NPAS3: variants seen among roughly 807,000 people sequenced by gnomAD.
The protein encoded by NPAS3 is neuronal PAS domain-containing protein 3.
NPAS3 carries 14 observed loss-of-function variants against 73.1 expected under a neutral mutation model. The observed-to-expected ratio is 0.19, with a 90% CI of 0.13 to 0.30. NPAS3 has a LOEUF of 0.30. Ranked by LOEUF, NPAS3 falls within the 10% of genes least tolerant of loss-of-function variation. The pLI is 1.00. For missense variants in NPAS3, 1,096 were observed against 1,250.0 expected, an observed-to-expected ratio of 0.88 and a Z score of 1.86; for synonymous variants, 620 against 541.5, an observed-to-expected ratio of 1.14 and a Z score of -2.01.
chr14:33,491,148 A>G (rs1173093438), intron 4 of NPAS3, among the ~76,000 whole-genome samples: 3 of 152,212 alleles, frequency 2.0e-5, no homozygotes, highest in African/African-American at 7.2e-5. Context: ...AACCTCCACA[A>G]GTAAAAGGAA....
At chr14:33,629,980 T>A (rs1191697662) in intron 5 of NPAS3, among the ~76,000 whole-genome samples, 1 of 152,206 alleles carries the variant, frequency 6.6e-6, no homozygotes, top group East Asian at 1.9e-4. Context: ...ATTCTTCACA[T>A]CCACAATTTC....
chr14:33,104,997 T>C (rs764041851), intron 2 of NPAS3, among the ~76,000 whole-genome samples: 17 of 152,144 alleles, frequency 1.1e-4, no homozygotes, highest in African/African-American at 2.4e-4. Context: ...CTAGCCAACA[T>C]AGGAATTTTG....
At chr14:33,784,721 T>TTATTTA (rs2063089099) in intron 9 of NPAS3, among the ~76,000 whole-genome samples, 3 of 104,082 alleles carry the variant, frequency 2.9e-5, no homozygotes, top group Non-Finnish European at 5.4e-5. Context: ...TTATTGTTAT[T>TTATTTA]TTTATTTATT....
intron 7 of NPAS3, among the ~76,000 whole-genome samples, chr14:33,757,365 T>C (rs2062146915): frequency 1.3e-5 from 2 of 152,162 alleles, no homozygotes; most frequent in Admixed American, 6.5e-5. Flanking sequence ...AAGAGGATGG[T>C]CACTGCTGTT....
intron 6 of NPAS3, among the ~76,000 whole-genome samples, chr14:33,718,801 G>T (rs1432245126): frequency 1.3e-5 from 2 of 152,104 alleles, no homozygotes; most frequent in African/African-American, 4.8e-5. Context: ...AAAGGGAATG[G>T]TTGTTGAGGA....
chr14:33,444,256 T>A (rs940077161), intron 4 of NPAS3, among the ~76,000 whole-genome samples: 35 of 152,202 alleles, frequency 2.3e-4, no homozygotes, highest in African/African-American at 8.4e-4. Flanking sequence ...GTTACAACTT[T>A]GTTTAAGGTT....
At chr14:33,039,971 C>T (rs1468505188) in intron 1 of NPAS3, among the ~76,000 whole-genome samples, 1 of 152,146 alleles carries the variant, frequency 6.6e-6, no homozygotes, top group African/African-American at 2.4e-5. Flanking sequence ...CCATGTAAGG[C>T]TCTACTTTTT....
At chr14:33,771,639 G>A (rs996100727) in intron 7 of NPAS3, among the ~76,000 whole-genome samples, 8 of 151,950 alleles carry the variant, frequency 5.3e-5, no homozygotes, top group East Asian at 1.9e-4. Context: ...GTGAAACCCC[G>A]TCTCTACTAA....
chr14:33,778,881 A>G (rs911498282), intron 9 of NPAS3, among the ~76,000 whole-genome samples: 3 of 152,116 alleles, frequency 2.0e-5, no homozygotes, highest in Non-Finnish European at 4.4e-5. Context: ...TGACCCTTTC[A>G]TTTTCTGGAG....
intron 3 of NPAS3, among the ~76,000 whole-genome samples, chr14:33,266,819 G>A (rs928165777): frequency 6.6e-6 from 1 of 152,172 alleles, no homozygotes; most frequent in Non-Finnish European, 1.5e-5. Context: ...AGCCACTACA[G>A]ATATTTGTAT....
chr14:33,254,707 A>T (rs1321004525), intron 3 of NPAS3, among the ~76,000 whole-genome samples: 1 of 152,188 alleles, frequency 6.6e-6, no homozygotes, highest in Non-Finnish European at 1.5e-5. Flanking sequence ...AAAGGCAGCT[A>T]AGCAAACATT....
intron 7 of NPAS3, among the ~76,000 whole-genome samples, chr14:33,742,123 G>T (rs1041277575): frequency 1.3e-5 from 2 of 152,072 alleles, no homozygotes; most frequent in African/African-American, 4.8e-5. Flanking sequence ...ATTACAATGA[G>T]TTGTAAAGCA....
At chr14:33,678,630 G>T (rs1305618237) in intron 6 of NPAS3, among the ~76,000 whole-genome samples, 1 of 152,066 alleles carries the variant, frequency 6.6e-6, no homozygotes, top group African/African-American at 2.4e-5. Context: ...CTCAGGGTAG[G>T]CTACTATACT....
chr14:33,725,445 G>A (rs2061238243), intron 6 of NPAS3, among the ~76,000 whole-genome samples: 1 of 152,132 alleles, frequency 6.6e-6, no homozygotes, highest in Admixed American at 6.6e-5. Context: ...GACTATAGCT[G>A]AGTGATAACA....
chr14:33,407,727 C>G (rs2047731021), intron 4 of NPAS3, among the ~76,000 whole-genome samples: 2 of 152,024 alleles, frequency 1.3e-5, no homozygotes, highest in Non-Finnish European at 2.9e-5. Context: ...CCCTCTCTTC[C>G]AACTTCTGTT....
chr14:33,070,094 G>A (rs890327025), intron 2 of NPAS3, among the ~76,000 whole-genome samples: 4 of 152,074 alleles, frequency 2.6e-5, no homozygotes, highest in Non-Finnish European at 5.9e-5. Context: ...TGTTGAATGT[G>A]TATTAAAATG....
intron 1 of NPAS3, among the ~76,000 whole-genome samples, chr14:32,998,726 CTT>C (rs747159560): frequency 5.9e-5 from 9 of 152,112 alleles, no homozygotes; most frequent in Non-Finnish European, 1.3e-4. Context: ...TGCCAAAACA[CTT>C]TGTTATTGTT....
chr14:32,978,095 A>G (rs990862167), intron 1 of NPAS3, among the ~76,000 whole-genome samples: 1 of 147,670 alleles, frequency 6.8e-6, no homozygotes, highest in African/African-American at 2.6e-5. Context: ...CACTTTACAA[A>G]TGAGGAAGTG....
chr14:33,501,756 A>G (rs1157162762), intron 4 of NPAS3, among the ~76,000 whole-genome samples: 2 of 151,862 alleles, frequency 1.3e-5, no homozygotes, highest in Non-Finnish European at 2.9e-5. Flanking sequence ...AGCTCAGGGA[A>G]GAAAGGCTCT....
Sources: gnomAD v4.1 joint callset for allele counts (sites outside exome capture counted in the v4.1 genomes callset) on GRCh38, gnomAD v4.1.1 for gene constraint, MANE v1.5 for transcripts, NCBI Gene and HGNC (gene_info 2026-07-23, HGNC 2026-07-21) for gene names.